The following C16orf74 variants were observed in gnomAD, a reference collection of about 807,000 sequenced individuals.
The protein encoded by C16orf74 is uncharacterized protein C16orf74.
In C16orf74, 10 loss-of-function variants were observed where a neutral mutation model predicts 6.5. That is an observed-to-expected ratio of 1.54 (90% CI 0.95 to 2.61). The LOEUF (loss-of-function observed/expected upper bound fraction) is 2.61, where lower values mean the gene tolerates loss of function less well. Among genes scored for constraint, C16orf74 ranks in the 30% most tolerant of loss-of-function variants. C16orf74 has a pLI of 0.00. For missense variants in C16orf74, 141 were observed against 105.9 expected, an observed-to-expected ratio of 1.33 and a Z score of -1.45; for synonymous variants, 60 against 42.5, an observed-to-expected ratio of 1.41 and a Z score of -1.60.
rs569983182 is a variant in C16orf74 at position 85,733,403 on chromosome 16, G to C, written c.28+1787C>G. 1.2e-4 allele frequency among the ~76,000 whole-genome samples: 18 copies of C among 152,246 alleles called. No homozygotes were observed. The East Asian group carries it at 3.3e-3, about 28-fold the overall frequency. ...GCTGCCAAGGGCTGGGGAGGGAACG[G>C]GGAGTTAGTGTTTAACGGGGACAGA... is the stretch of plus-strand genomic sequence containing the variant. On this transcript the variant is annotated intron_variant, in intron 2 of 3. Coordinates refer to ENST00000284245, the MANE Select transcript of C16orf74 (RefSeq NM_206967.3).
intron 1 of C16orf74, among the ~76,000 whole-genome samples, chr16:85,748,981 A>G (rs2054406065): frequency 7.0e-6 from 1 of 142,474 alleles, no homozygotes. Flanking sequence ...GAGTCTCACT[A>G]TGTTGCTCAG....
chr16:85,741,060 GA>G (rs1474936258), intron 1 of C16orf74, among the ~76,000 whole-genome samples: 6 of 152,124 alleles, frequency 3.9e-5, no homozygotes, highest in African/African-American at 1.4e-4. Context: ...ACTGCTTCAA[GA>G]AAAAGGCTTA....
At chr16:85,715,112 A>G (rs367820632) in intron 2 of C16orf74, among the ~76,000 whole-genome samples, 17 of 150,542 alleles carry the variant, frequency 1.1e-4, no homozygotes, top group African/African-American at 2.2e-4. Context: ...AGCCGAGATC[A>G]CGCCACTGCA....
chr16:85,740,625 G>C (rs2054294955), intron 1 of C16orf74, among the ~76,000 whole-genome samples: 1 of 151,280 alleles, frequency 6.6e-6, no homozygotes, highest in Non-Finnish European at 1.5e-5. Context: ...CCGGGAGGCG[G>C]AGCTTGCAGG....
intron 3 of C16orf74, among the ~76,000 whole-genome samples, chr16:85,708,300 G>C (rs1198267638): frequency 6.6e-6 from 1 of 152,060 alleles, no homozygotes; most frequent in Non-Finnish European, 1.5e-5. Flanking sequence ...CCTGGGGCTC[G>C]GACTTTGTAG....
At position 85,738,626 on chromosome 16, in the gene C16orf74, G is replaced by A. The variant is rs113198223; in HGVS notation, c.-18-3391C>T. Among the ~76,000 whole-genome samples, 11 of 151,938 alleles carry A rather than the reference G, an allele frequency of 7.2e-5. No homozygotes were observed. The East Asian group carries it at 2.0e-3, about 27-fold the overall frequency. ...GATTTCAGGTGTGAGCCACCGCGCC[G>A]GGCCCGGCACTGGGATTTTTAAAAG... is the stretch of plus-strand genomic sequence containing the variant. On this transcript the variant is annotated intron_variant, in intron 1 of 3. Transcript: ENST00000284245.
At chr16:85,749,158 G>A (rs1358311370) in intron 1 of C16orf74, among the ~76,000 whole-genome samples, 2 of 152,036 alleles carry the variant, frequency 1.3e-5, no homozygotes, top group Non-Finnish European at 2.9e-5. Flanking sequence ...GGCTTCCACT[G>A]CAGGTAAGAG....
At chr16:85,750,397 C>G (rs1160620288) in intron 1 of C16orf74, among the ~76,000 whole-genome samples, 2 of 152,222 alleles carry the variant, frequency 1.3e-5, no homozygotes, top group African/African-American at 4.8e-5. Context: ...GGAGAAGGAG[C>G]GCGTGCGTCC....
chr16:85,714,558 T>A (rs1007272596), intron 2 of C16orf74, among the ~76,000 whole-genome samples: 1 of 151,942 alleles, frequency 6.6e-6, no homozygotes, highest in Admixed American at 6.6e-5. Flanking sequence ...TAGCTGGGAT[T>A]ACAGGCGCCT....
intron 1 of C16orf74, among the ~76,000 whole-genome samples, chr16:85,749,631 T>C (rs2054413574): frequency 6.6e-6 from 1 of 152,218 alleles, no homozygotes; most frequent in East Asian, 1.9e-4. Context: ...GTTGGAGAGT[T>C]GGTCAGGGGA....
chr16:85,727,301 C>G (rs967793912), intron 2 of C16orf74, among the ~76,000 whole-genome samples: 3 of 152,168 alleles, frequency 2.0e-5, no homozygotes, highest in South Asian at 2.1e-4. Context: ...AAATGGGTAT[C>G]ATAACGGCCA....
chr16:85,739,808 A>C (rs1380205050), intron 1 of C16orf74, among the ~76,000 whole-genome samples: 1 of 152,176 alleles, frequency 6.6e-6, no homozygotes, highest in Non-Finnish European at 1.5e-5. Flanking sequence ...CAAAAAAAGA[A>C]AAGAAGTAAT....
chr16:85,727,499 C>T (rs896110936), intron 2 of C16orf74, among the ~76,000 whole-genome samples: 6 of 152,120 alleles, frequency 3.9e-5, no homozygotes, highest in East Asian at 1.9e-4. Context: ...ATCGGAATCA[C>T]GTGGACATTC....
At chr16:85,748,317 G>C (rs1223303780) in intron 1 of C16orf74, among the ~76,000 whole-genome samples, 1 of 152,008 alleles carries the variant, frequency 6.6e-6, no homozygotes, top group Non-Finnish European at 1.5e-5. Flanking sequence ...GTTATTATCT[G>C]GGCTGGGTGC....
At chr16:85,729,541 C>T (rs1026027511) in intron 2 of C16orf74, among the ~76,000 whole-genome samples, 6 of 152,236 alleles carry the variant, frequency 3.9e-5, no homozygotes, top group African/African-American at 1.4e-4. Context: ...GGTGAACTGA[C>T]TTAATGGGGG....
At chr16:85,716,055 T>A (rs1488261450) in intron 2 of C16orf74, among the ~76,000 whole-genome samples, 3 of 152,148 alleles carry the variant, frequency 2.0e-5, no homozygotes, top group Non-Finnish European at 4.4e-5. Context: ...ATCGTGTCTG[T>A]AACAGGAGGG....
At chr16:85,746,134 G>A (rs148538644) in intron 1 of C16orf74, among the ~76,000 whole-genome samples, 1 of 152,252 alleles carries the variant, frequency 6.6e-6, no homozygotes, top group South Asian at 2.1e-4. Flanking sequence ...CAGATCACTT[G>A]AGGCTGGGCG....
intron 2 of C16orf74, chr16:85,710,835 C>T (rs2053962385): frequency 6.5e-6 from 1 of 152,804 alleles, no homozygotes; most frequent in Non-Finnish European, 1.5e-5. Context: ...AAAGGTGTCC[C>T]AGCAGATCTG....
intron 2 of C16orf74, among the ~76,000 whole-genome samples, chr16:85,722,603 G>C (rs761884098): frequency 6.6e-6 from 1 of 152,364 alleles, no homozygotes; most frequent in African/African-American, 2.4e-5. Context: ...AGGGCCCCAG[G>C]ACTGCCTTGC....
Sources: allele counts gnomAD v4.1 joint callset (sites outside exome capture counted in the v4.1 genomes callset), GRCh38; gene constraint gnomAD v4.1.1; transcripts MANE v1.5; gene names NCBI Gene and HGNC (gene_info 2026-07-23, HGNC 2026-07-21).